The following TG variants were observed in gnomAD, a reference collection of about 807,000 sequenced individuals.
TG encodes thyroid hormones.
TG carries 270 observed loss-of-function variants against 324.7 expected under a neutral mutation model. The observed-to-expected ratio is 0.83, with a 90% CI of 0.75 to 0.92. The LOEUF (loss-of-function observed/expected upper bound fraction) is 0.92. TG is among the 40% of genes least tolerant of loss of function. TG has a pLI of 0.00. For synonymous variants in TG, 1,401 were observed against 1,327.0 expected, an observed-to-expected ratio of 1.06 and a Z score of -1.21; for missense variants, 3,591 against 3,456.4, an observed-to-expected ratio of 1.04 and a Z score of -0.98.
At chr8:132,918,092 A>T (rs1195969247) in intron 20 of TG, among the ~76,000 whole-genome samples, 1 of 152,076 alleles carries the variant, frequency 6.6e-6, no homozygotes, top group East Asian at 1.9e-4. Context: ...CCGTGGTCTC[A>T]TTCTGACTTA....
intron 41 of TG, among the ~76,000 whole-genome samples, chr8:133,058,390 C>T (rs902114823): frequency 1.3e-5 from 2 of 152,182 alleles, no homozygotes; most frequent in Admixed American, 1.3e-4. Flanking sequence ...TGACCTCCCA[C>T]CCACATAATG....
At chr8:132,888,941 C>T (rs1001058097) in intron 10 of TG, among the ~76,000 whole-genome samples, 5 of 152,302 alleles carry the variant, frequency 3.3e-5, no homozygotes, top group African/African-American at 1.2e-4. Context: ...GTAATCGCTC[C>T]TATGTTAGGT....
chr8:133,093,788 G>T (rs146683645), intron 41 of TG, among the ~76,000 whole-genome samples: 123 of 152,296 alleles, frequency 8.1e-4, no homozygotes, highest in Middle Eastern at 6.8e-3. Flanking sequence ...CTTCACAGTG[G>T]CTCAGTGTTT....
At chr8:132,923,907 C>T (rs544776768) in intron 22 of TG, among the ~76,000 whole-genome samples, 1 of 152,108 alleles carries the variant, frequency 6.6e-6, no homozygotes, top group East Asian at 1.9e-4. Flanking sequence ...AGTCCCCAAC[C>T]TTTTTGGCAT....
Position 133,131,959 on chromosome 8 carries a change from C to A in TG, c.7997+13C>A. 1.2e-6 allele frequency: 2 copies of A among 1,613,886 alleles called. No individual in the cohort carries two copies. The highest frequency in any genetic ancestry group is 1.7e-6 in the Non-Finnish European group (2 of 1,179,960). On this transcript the variant is annotated intron_variant, in intron 46 of 47. Coordinates refer to ENST00000220616, the MANE Select transcript of TG (RefSeq NM_003235.5). ...TCATCAGATCAGGGTAATTTTGGAC[C>A]ACTTGTTCAGAATTCTGTCACTGTG... is the stretch of plus-strand genomic sequence containing the variant.
chr8:132,917,940 T>G (rs1820600305), intron 20 of TG, among the ~76,000 whole-genome samples: 5 of 150,036 alleles, frequency 3.3e-5, no homozygotes, highest in African/African-American at 9.7e-5. Flanking sequence ...TGCGCCAGCT[T>G]AATATTAAGG....
At chr8:132,915,507 G>T (rs1820164110) in intron 20 of TG, among the ~76,000 whole-genome samples, 1 of 152,154 alleles carries the variant, frequency 6.6e-6, no homozygotes, top group South Asian at 2.1e-4. Flanking sequence ...CAGGGCACGG[G>T]GCTTCCGAGG....
chr8:133,084,781 A>G (rs1048500521), intron 41 of TG, among the ~76,000 whole-genome samples: 2 of 152,232 alleles, frequency 1.3e-5, no homozygotes, highest in Admixed American at 6.5e-5. Context: ...AGGCCTCCAC[A>G]CTGTGCCTCC....
At position 132,906,646 on chromosome 8, in the gene TG, G is replaced by C. The variant is rs377618194; in HGVS notation, c.3635-42G>C. On this transcript the variant is annotated intron_variant, in intron 16 of 47. Coordinates refer to ENST00000220616, the MANE Select transcript of TG (RefSeq NM_003235.5). ...AGCAGGCATGCTCAGTCGTCCCGAG[G>C]CTGGGCAGGTGCCCACCACGGCTCC... 8 of 1,610,460 alleles carry C rather than the reference G, an allele frequency of 5.0e-6. No homozygotes were observed. The African/African-American group carries it at 1.1e-4, about 22-fold the overall frequency.
intron 5 of TG, among the ~76,000 whole-genome samples, 156 bp downstream of exon 5, chr8:132,873,377 C>T (rs144634431): frequency 1.2e-4 from 18 of 152,232 alleles, no homozygotes; most frequent in African/African-American, 3.4e-4. Flanking sequence ...TAAAGTGCCA[C>T]GGCGTTTTTT....
Position 132,888,468 on chromosome 8 carries a change from C to A in TG, c.2661C>A (p.Ser887Arg). The A allele has an allele frequency of 1.2e-6, 2 of 1,610,890 alleles. No homozygotes were observed. Among genetic ancestry groups the A allele is most frequent in the Non-Finnish European group, 1.7e-6 (2 of 1,178,252 alleles). ...SQYPGSYSDF[S>R]TPLAHFDLRN... ...ACCCGGGGTCCTACTCAGACTTCAG[C>A]ACTCCTTTGGCACATTTTGATCTTC... is the stretch of plus-strand genomic sequence containing the variant. Residue 887 changes from serine (S) to arginine (R), a missense_variant, in exon 10 of 48, where the codon AGC becomes AGA. Transcript: ENST00000220616.
intron 11 of TG, among the ~76,000 whole-genome samples, chr8:132,894,912 G>A (rs1816883351): frequency 6.6e-6 from 1 of 152,214 alleles, no homozygotes; most frequent in African/African-American, 2.4e-5. Context: ...TGGAGTCTGA[G>A]GTTAAGTCAC....
intron 41 of TG, chr8:133,045,005 C>T (rs1839041326): frequency 6.2e-7 from 1 of 1,614,106 alleles, no homozygotes; most frequent in Non-Finnish European, 8.5e-7. Flanking sequence ...TTCACCAGGT[C>T]CTCCAGGCAC....
chr8:133,100,008 C>T (rs1849007708), intron 43 of TG, among the ~76,000 whole-genome samples: 1 of 152,188 alleles, frequency 6.6e-6, no homozygotes, highest in African/African-American at 2.4e-5. Context: ...CTCCAGTGGC[C>T]TCCTCTCATG....
Position 133,022,145 on chromosome 8 carries a change from G to C in TG, c.7031G>C (p.Ser2344Thr). ...CGAGTGGGTGTCTTCGGCTTCCTGA[G>C]TTCTGGTGAGTTGCTGCCTCTGGTG... ...SYRVGVFGFL[S>T]SGSGEVSGNW... Residue 2344 changes from serine (S) to threonine (T), a missense_variant, in exon 40 of 48, where the codon AGT becomes ACT. Physicochemically the swap from Ser to Thr is moderately conservative, Grantham distance 58 (BLOSUM62 1). Transcript: ENST00000220616. 2 of 1,614,074 alleles carry C rather than the reference G, an allele frequency of 1.2e-6. No individual in the cohort carries two copies. The highest frequency in any genetic ancestry group is 1.7e-6 in the Non-Finnish European group (2 of 1,180,032).
At position 132,881,880 on chromosome 8, in the gene TG, T is replaced by G. The variant is rs1380376287; in HGVS notation, c.656T>G (p.Val219Gly). 1 of 1,613,458 alleles carries G rather than the reference T, an allele frequency of 6.2e-7. No homozygotes were observed. Among genetic ancestry groups the G allele is most frequent in the Non-Finnish European group, 8.5e-7 (1 of 1,179,402 alleles). Reference sequence around the variant, plus strand: ...TCTCCAAGGTTTCCAGATGCATTTGTGACCTTCAGTTCCTTCCAGAGGAGG... The same window carrying G: ...TCTCCAAGGTTTCCAGATGCATTTGGGACCTTCAGTTCCTTCCAGAGGAGG... ...HSYNRFPDAFVTFSSFQRRFP... is the reference protein window; with the variant it reads ...HSYNRFPDAFGTFSSFQRRFP... The change falls in exon 6 of 48, where the codon GTG becomes GGG. Residue 219 changes from valine (V) to glycine (G), a missense_variant. By Grantham distance (109) the Val-to-Gly change is moderately radical. Transcript: ENST00000220616.
At chr8:132,902,365 C>G (rs1229184209) in intron 16 of TG, among the ~76,000 whole-genome samples, 1 of 152,068 alleles carries the variant, frequency 6.6e-6, no homozygotes, top group African/African-American at 2.4e-5. Flanking sequence ...AGTGATACTT[C>G]TGGTTGATAT....
intron 34 of TG, among the ~76,000 whole-genome samples, chr8:132,978,949 G>T (rs1396348345): frequency 1.3e-5 from 2 of 152,214 alleles, no homozygotes; most frequent in Admixed American, 1.3e-4. Context: ...GCAGCCATGG[G>T]CCTTCTGATT....
Position 133,128,681 on chromosome 8 carries a change from A to ATG in TG, c.7863-3128_7863-3127dup, listed in dbSNP as rs971822253. On this transcript the variant is annotated intron_variant, in intron 45 of 47. Transcript: ENST00000220616. ...TCCCAAGCCCAAAGTCTGCCTTTCC[A>ATG]TGTGACAAGGAGAAGATTCAGATCT... is the stretch of plus-strand genomic sequence containing the variant. Among the ~76,000 whole-genome samples the ATG allele has an allele frequency of 1.2e-4, 18 of 152,276 alleles. 1 individual carries two copies. The highest frequency in any genetic ancestry group is 8.3e-4 in the South Asian group (4 of 4,818).
Sources: gnomAD v4.1 joint callset for allele counts (sites outside exome capture counted in the v4.1 genomes callset) on GRCh38, gnomAD v4.1.1 for gene constraint, MANE v1.5 for transcripts, NCBI Gene and HGNC (gene_info 2026-07-23, HGNC 2026-07-21) for gene names.